Variants in TSNARE1 observed in about 807,000 individuals in gnomAD.
The protein encoded by TSNARE1 is t-SNARE domain-containing protein 1.
TSNARE1 carries 49 observed loss-of-function variants against 62.0 expected under a neutral mutation model. The observed-to-expected ratio is 0.79, with a 90% CI of 0.63 to 1.00. The LOEUF is 1.00. TSNARE1 is among the 50% of genes least tolerant of loss of function. TSNARE1 has a pLI of 0.00. For missense variants in TSNARE1, 755 were observed against 700.1 expected, an observed-to-expected ratio of 1.08 and a Z score of -0.88; for synonymous variants, 328 against 294.4, an observed-to-expected ratio of 1.11 and a Z score of -1.17.
intron 12 of TSNARE1, among the ~76,000 whole-genome samples, chr8:142,238,348 CCCTCCTTTCCTG>C (rs1244599126): frequency 6.6e-6 from 1 of 152,144 alleles, no homozygotes; most frequent in African/African-American, 2.4e-5. Flanking sequence ...ATCCTGTTCC[CCCTCCTTTCCTG>C]CCTCCTTTCC....
chr8:142,256,150 ACT>A (rs1295184418), intron 12 of TSNARE1, among the ~76,000 whole-genome samples: 4 of 125,256 alleles, frequency 3.2e-5, no homozygotes, highest in Admixed American at 7.8e-5. Flanking sequence ...CACCACCACC[ACT>A]GTCACCATCA....
At chr8:142,334,811 C>T (rs974041123) in intron 4 of TSNARE1, among the ~76,000 whole-genome samples, 3 of 152,138 alleles carry the variant, frequency 2.0e-5, no homozygotes, top group Admixed American at 6.5e-5. Context: ...AAGTGCTGGA[C>T]GGAAAAACCT....
intron 2 of TSNARE1, among the ~76,000 whole-genome samples, chr8:142,348,738 C>CG (rs1404072523): frequency 6.6e-6 from 1 of 151,638 alleles, no homozygotes; most frequent in African/African-American, 2.4e-5. Flanking sequence ...GCTGCTGGTG[C>CG]GCTGAGGAGA....
intron 4 of TSNARE1, among the ~76,000 whole-genome samples, chr8:142,332,064 T>C (rs539095050): frequency 6.6e-6 from 1 of 152,042 alleles, no homozygotes; most frequent in East Asian, 1.9e-4. Flanking sequence ...AGGCAGGGGG[T>C]GGTCCCTCAG....
rs748276291 is a variant in TSNARE1 at position 142,319,514 on chromosome 8, G to A, written c.894-880C>T. 3.3e-5 allele frequency among the ~76,000 whole-genome samples: 5 copies of A among 152,186 alleles called. No homozygotes were observed. Among genetic ancestry groups the A allele is most frequent in the East Asian group, 1.9e-4 (1 of 5,144 alleles). ...CTGGAGAGAGGAGCACCAGGGCAACGGTACCCCAGCCCGGCTGCAGGCACA... is the reference window on the plus strand; with the variant it reads ...CTGGAGAGAGGAGCACCAGGGCAACAGTACCCCAGCCCGGCTGCAGGCACA... On this transcript the variant is annotated intron_variant, in intron 6 of 13. Coordinates refer to ENST00000524325, the MANE Select transcript of TSNARE1 (RefSeq NM_145003.5). The surrounding 1 kb of genome is among the most constrained non-coding windows in gnomAD (Gnocchi z 4.9).
At chr8:142,381,574 C>T (rs1210476312) in intron 1 of TSNARE1, among the ~76,000 whole-genome samples, 2 of 152,166 alleles carry the variant, frequency 1.3e-5, no homozygotes, top group South Asian at 2.1e-4. Context: ...CTGGGAGACC[C>T]CAGAAGCAGA....
At chr8:142,264,078 T>C (rs1050707702) in intron 12 of TSNARE1, among the ~76,000 whole-genome samples, 1 of 152,240 alleles carries the variant, frequency 6.6e-6, no homozygotes, top group Admixed American at 6.5e-5. Context: ...CTAAGTTTCA[T>C]TGAAGTCTCC....
At chr8:142,322,168 T>G (rs1829564125) in intron 6 of TSNARE1, among the ~76,000 whole-genome samples, 1 of 152,240 alleles carries the variant, frequency 6.6e-6, no homozygotes, top group Admixed American at 6.5e-5. Context: ...TAATAAATTA[T>G]GCAGAAAAAG....
intron 12 of TSNARE1, among the ~76,000 whole-genome samples, chr8:142,262,949 G>A (rs748739339): frequency 5.3e-5 from 8 of 152,160 alleles, no homozygotes; most frequent in Non-Finnish European, 7.3e-5. Context: ...GACTTTAGAC[G>A]AGCCACTTCA....
chr8:142,271,196 C>G, intron 12 of TSNARE1: 2 of 993,634 alleles, frequency 2.0e-6, no homozygotes, highest in Non-Finnish European at 2.4e-6. Flanking sequence ...GGCCACTCCA[C>G]TGGCAGGACT....
chr8:142,389,118 T>G (rs1587125363), intron 1 of TSNARE1, among the ~76,000 whole-genome samples: 1 of 152,152 alleles, frequency 6.6e-6, no homozygotes, highest in South Asian at 2.1e-4. Context: ...GTCAAATGAT[T>G]TTAGACAATG....
chr8:142,310,101 C>G (rs1827328968), intron 9 of TSNARE1, among the ~76,000 whole-genome samples: 1 of 151,844 alleles, frequency 6.6e-6, no homozygotes, highest in Admixed American at 6.6e-5. Flanking sequence ...TCTGTATTTT[C>G]TTTTTCTATC....
intron 9 of TSNARE1, among the ~76,000 whole-genome samples, chr8:142,301,079 GGCCA>G (rs1825677203): frequency 6.7e-6 from 1 of 148,678 alleles, no homozygotes; most frequent in African/African-American, 2.5e-5. Flanking sequence ...TCAGGAGCCC[GGCCA>G]CAGTGCCCCC....
chr8:142,281,482 G>C (rs1168712109), intron 11 of TSNARE1, among the ~76,000 whole-genome samples: 1 of 152,028 alleles, frequency 6.6e-6, no homozygotes, highest in Non-Finnish European at 1.5e-5. Context: ...CCCCACCATG[G>C]TTGGGGGCCG....
intron 11 of TSNARE1, among the ~76,000 whole-genome samples, chr8:142,283,586 A>G (rs1822112142): frequency 7.6e-6 from 1 of 130,798 alleles, no homozygotes. Context: ...GTCAATGAGC[A>G]GAGGCGGGGT....
intron 6 of TSNARE1, among the ~76,000 whole-genome samples, 196 bp downstream of exon 6, chr8:142,330,705 C>T (rs1232821714): frequency 6.6e-6 from 1 of 152,230 alleles, no homozygotes; most frequent in Non-Finnish European, 1.5e-5. Context: ...AGGCTGAGGG[C>T]CCAGTCTCAG....
At chr8:142,251,914 G>A (rs1368503481) in intron 12 of TSNARE1, among the ~76,000 whole-genome samples, 3 of 144,340 alleles carry the variant, frequency 2.1e-5, no homozygotes, top group African/African-American at 5.2e-5. Context: ...TGCCGCCCGC[G>A]TTCTCTGTCT....
Position 142,314,419 on chromosome 8 carries a change from C to T in TSNARE1, c.1096G>A (p.Ala366Thr). The change falls in exon 9 of 14, where the codon GCG (alanine) becomes ACG (threonine). Residue 366 changes from alanine (A) to threonine (T), a missense_variant. Physicochemically the swap from Ala to Thr is moderately conservative, Grantham distance 58 (BLOSUM62 0). Coordinates refer to ENST00000524325, the MANE Select transcript of TSNARE1 (RefSeq NM_145003.5). The part of the protein sequence containing the change: ...VQKKIAEKSR[A>T]LLPMAQRGSK... ...CCCCTCTGCGCCATGGGAAGCAGCG[C>T]TCTGGACTTTTCTGCAATTTTCTGT... 1 of 1,614,038 alleles carries T rather than the reference C, an allele frequency of 6.2e-7. No homozygotes were observed. Among genetic ancestry groups the T allele is most frequent in the Non-Finnish European group, 8.5e-7 (1 of 1,179,980 alleles).
chr8:142,264,124 C>A (rs1370381688), intron 12 of TSNARE1, among the ~76,000 whole-genome samples: 1 of 152,178 alleles, frequency 6.6e-6, no homozygotes, highest in African/African-American at 2.4e-5. Context: ...CAATAGTATC[C>A]AATCATGTCT....
Sources: allele counts gnomAD v4.1 joint callset (sites outside exome capture counted in the v4.1 genomes callset), GRCh38; gene constraint gnomAD v4.1.1; non-coding constraint Gnocchi (gnomAD v3.1); transcripts MANE v1.5; gene names NCBI Gene and HGNC (gene_info 2026-07-23, HGNC 2026-07-21).